The following PAPSS2 variants were observed in gnomAD, a reference collection of about 807,000 sequenced individuals.
PAPSS2 encodes the protein 3'-phosphoadenosine 5'-phosphosulfate synthase 2, also known as bifunctional 3'-phosphoadenosine 5'-phosphosulfate synthase 2.
PAPSS2 carries 61 observed loss-of-function variants against 66.5 expected under a neutral mutation model. That is an observed-to-expected ratio of 0.92 (90% CI 0.75 to 1.14). PAPSS2 has a LOEUF of 1.14. Among genes scored for constraint, PAPSS2 ranks in the 50% most tolerant of loss-of-function variants. PAPSS2 has a pLI of 0.00. For synonymous variants in PAPSS2, 289 were observed against 287.5 expected (o/e 1.01, Z -0.05); for missense variants, 708 against 789.6 (o/e 0.90, Z 1.24).
chr10:87,719,727 A>G (rs929395003), intron 7 of PAPSS2, among the ~76,000 whole-genome samples: 4 of 152,104 alleles, frequency 2.6e-5, no homozygotes, highest in Non-Finnish European at 4.4e-5. Flanking sequence ...AGTGCCCCCC[A>G]TGTGCCAGGG....
At chr10:87,681,833 A>G (rs547245795) in intron 1 of PAPSS2, among the ~76,000 whole-genome samples, 4 of 152,226 alleles carry the variant, frequency 2.6e-5, no homozygotes, top group Non-Finnish European at 5.9e-5. Flanking sequence ...TTCACTTAGC[A>G]TAATGTTTTA....
At chr10:87,698,328 G>T (rs1282231877) in intron 1 of PAPSS2, among the ~76,000 whole-genome samples, 1 of 152,118 alleles carries the variant, frequency 6.6e-6, no homozygotes, top group African/African-American at 2.4e-5. Flanking sequence ...TGGTTTTAAA[G>T]AAATTCTACT....
intron 1 of PAPSS2, among the ~76,000 whole-genome samples, chr10:87,692,923 A>G (rs1391257847): frequency 6.6e-6 from 1 of 152,184 alleles, no homozygotes; most frequent in Non-Finnish European, 1.5e-5. Context: ...AACAACCCCC[A>G]ATGTTGATTA....
At chr10:87,662,778 A>G (rs1405193594) in intron 1 of PAPSS2, among the ~76,000 whole-genome samples, 1 of 152,348 alleles carries the variant, frequency 6.6e-6, no homozygotes, top group Non-Finnish European at 1.5e-5. Flanking sequence ...GAAGGATCAA[A>G]TAGGAAAACA....
At chr10:87,671,033 C>G (rs1417816224) in intron 1 of PAPSS2, among the ~76,000 whole-genome samples, 1 of 152,190 alleles carries the variant, frequency 6.6e-6, no homozygotes, top group Non-Finnish European at 1.5e-5. Context: ...TATCCCATCT[C>G]ATCCTCACAA....
intron 6 of PAPSS2, 149 bp downstream of exon 6, chr10:87,715,247 C>A: frequency 1.5e-6 from 1 of 666,244 alleles, no homozygotes; most frequent in Non-Finnish European, 2.7e-6. Context: ...TTATTTTTAA[C>A]CTCTTCTCCA....
intron 1 of PAPSS2, among the ~76,000 whole-genome samples, chr10:87,689,988 G>A (rs1453652890): frequency 2.0e-5 from 3 of 152,254 alleles, no homozygotes; most frequent in South Asian, 2.1e-4. Flanking sequence ...CCCATCCATC[G>A]CTGGTAGGAG....
intron 9 of PAPSS2, among the ~76,000 whole-genome samples, chr10:87,732,426 G>A (rs1227812840): frequency 6.6e-6 from 1 of 152,000 alleles, no homozygotes; most frequent in Non-Finnish European, 1.5e-5. Flanking sequence ...AGGAGGCTGA[G>A]GTGGGAGGAT....
intron 8 of PAPSS2, among the ~76,000 whole-genome samples, chr10:87,723,779 AG>A (rs1192250549): frequency 1.3e-5 from 2 of 152,186 alleles, no homozygotes; most frequent in African/African-American, 4.8e-5. Flanking sequence ...CATAACTACT[AG>A]GGGGAGTCTT....
intron 1 of PAPSS2, among the ~76,000 whole-genome samples, chr10:87,705,448 A>G (rs571486048): frequency 2.0e-5 from 3 of 152,346 alleles, no homozygotes; most frequent in South Asian, 2.1e-4. Context: ...ATAGATATCT[A>G]TCAATGGAAT....
chr10:87,716,874 A>G (rs1853538714), intron 7 of PAPSS2, among the ~76,000 whole-genome samples: 1 of 152,196 alleles, frequency 6.6e-6, no homozygotes, highest in South Asian at 2.1e-4. Flanking sequence ...GCATATCCCT[A>G]TACCACGTCT....
intron 9 of PAPSS2, among the ~76,000 whole-genome samples, chr10:87,734,539 C>A (rs1853769079): frequency 6.6e-6 from 1 of 151,462 alleles, no homozygotes; most frequent in South Asian, 2.1e-4. Context: ...TGAACTCTGC[C>A]ACTTCCCCTC....
intron 1 of PAPSS2, among the ~76,000 whole-genome samples, chr10:87,678,359 GA>G (rs1852974500): frequency 6.6e-6 from 1 of 152,032 alleles, no homozygotes; most frequent in Non-Finnish European, 1.5e-5. Flanking sequence ...AAAACACAGG[GA>G]AAACACTTCA....
At chr10:87,716,123 G>T (rs1172673680) in intron 7 of PAPSS2, among the ~76,000 whole-genome samples, 1 of 152,158 alleles carries the variant, frequency 6.6e-6, no homozygotes, top group Admixed American at 6.5e-5. Flanking sequence ...CTCTTTGCTG[G>T]TGCTGATATT....
In PAPSS2 at chr10:87,727,465, A is replaced by G; in HGVS notation, c.1062A>G (p.Thr354=). ...GCTGTTCCCGTGTTTGGGGGACAAC[A>G]TGTACAAAACACCCCCATATCAAAG... The part of the protein sequence containing the change: ...EERCSRVWGT[T]CTKHPHIKMV... The change falls in exon 9 of 13, where the codon ACA becomes ACG. Residue 354 remains threonine (T), a synonymous_variant. Transcript: ENST00000456849. 2 of 1,613,572 alleles carry G rather than the reference A, an allele frequency of 1.2e-6. No homozygotes were observed. Among genetic ancestry groups the G allele is most frequent in the Middle Eastern group, 1.6e-4 (1 of 6,062 alleles).
At chr10:87,710,144 A>C (rs1853446016) in intron 2 of PAPSS2, among the ~76,000 whole-genome samples, 1 of 152,188 alleles carries the variant, frequency 6.6e-6, no homozygotes, top group Non-Finnish European at 1.5e-5. Context: ...TAAAATGATA[A>C]TGTTTTCTAA....
intron 1 of PAPSS2, among the ~76,000 whole-genome samples, chr10:87,684,264 A>G (rs1323105125): frequency 6.6e-6 from 1 of 152,232 alleles, no homozygotes; most frequent in African/African-American, 2.4e-5. Flanking sequence ...TAATTGTTGC[A>G]GGAATCTCTT....
At chr10:87,745,297 G>T (rs920758855) in intron 12 of PAPSS2, 66 bp downstream of exon 12, 143 of 1,372,682 alleles carry the variant, frequency 1.0e-4, no homozygotes, top group Non-Finnish European at 1.4e-4. Flanking sequence ...GCAGAATTTG[G>T]GCCCTTTGAA....
intron 1 of PAPSS2, among the ~76,000 whole-genome samples, chr10:87,679,928 A>G (rs558734111): frequency 1.3e-5 from 2 of 150,950 alleles, no homozygotes; most frequent in African/African-American, 2.4e-5. Flanking sequence ...TGGGAGGCTG[A>G]GGTGGGAGTA....
Sources: gnomAD v4.1 joint callset for allele counts (sites outside exome capture counted in the v4.1 genomes callset) on GRCh38, gnomAD v4.1.1 for gene constraint, MANE v1.5 for transcripts, NCBI Gene and HGNC (gene_info 2026-07-23, HGNC 2026-07-21) for gene names.